The following INTS15 variants were observed in gnomAD, a reference collection of about 807,000 sequenced individuals.
INTS15 encodes uncharacterized protein C7orf26.
chr7:6,606,109 C>A, the INTS15 span, among the ~76,000 whole-genome samples: 1 of 152,226 alleles, frequency 6.6e-6, no homozygotes, highest in Admixed American at 6.5e-5. Flanking sequence ...CAAATCATCA[C>A]ATGACCGAAA....
chr7:6,607,867 G>T, the INTS15 span: 1 of 1,550,902 alleles, frequency 6.4e-7, no homozygotes, highest in South Asian at 1.2e-5. The surrounding 1 kb of genome is among the most constrained non-coding windows in gnomAD (Gnocchi z 6.0). Context: ...TGCCTCTCCT[G>T]GGCGGGGTGC....
chr7:6,606,493 G>A, the INTS15 span, among the ~76,000 whole-genome samples: 2 of 152,152 alleles, frequency 1.3e-5, no homozygotes, highest in Non-Finnish European at 2.9e-5. Context: ...AGTAGAACCC[G>A]GCAGGCTGGC....
chr7:6,608,031 C>G, the INTS15 span: 1 of 1,599,984 alleles, frequency 6.3e-7, no homozygotes, highest in African/African-American at 1.3e-5. Context: ...GGGTTCTACC[C>G]CCACATCCAC....
chr7:6,605,164 T>G, the INTS15 span, among the ~76,000 whole-genome samples: 2 of 152,108 alleles, frequency 1.3e-5, no homozygotes, highest in African/African-American at 4.8e-5. Context: ...AATTTTTGTA[T>G]TTTTAGTAGA....
chr7:6,591,600 C>A, the INTS15 span: 14 of 1,536,826 alleles, frequency 9.1e-6, no homozygotes, highest in Non-Finnish European at 1.2e-5. Context: ...TTAATAAGTA[C>A]GTTACAGCCA....
chr7:6,600,020 A>C, the INTS15 span: 5 of 1,614,046 alleles, frequency 3.1e-6, no homozygotes, highest in East Asian at 1.1e-4. Flanking sequence ...TAAAAGGAAA[A>C]AGAAGCCCCC....
chr7:6,601,660 CTTT>C, the INTS15 span, among the ~76,000 whole-genome samples: 2 of 136,130 alleles, frequency 1.5e-5, no homozygotes, highest in Non-Finnish European at 1.6e-5. Context: ...TTTTTTCTTT[CTTT>C]TTTTTTTTTT....
chr7:6,595,653 T>A, the INTS15 span, among the ~76,000 whole-genome samples: 2 of 152,170 alleles, frequency 1.3e-5, no homozygotes, highest in Non-Finnish European at 2.9e-5. Flanking sequence ...ATGACTTGAT[T>A]TCTTATCATC....
chr7:6,594,987 C>G, the INTS15 span, among the ~76,000 whole-genome samples: 7 of 151,878 alleles, frequency 4.6e-5, no homozygotes, highest in African/African-American at 1.7e-4. Flanking sequence ...CTCGGCCTCC[C>G]AAACTGCTAG....
At chr7:6,600,218 C>G in the INTS15 span, 25 of 1,614,058 alleles carry the variant, frequency 1.5e-5, no homozygotes, top group Non-Finnish European at 2.0e-5. Context: ...CCACATGGTC[C>G]CGCTGGTAGA....
chr7:6,593,492 G>T, the INTS15 span, among the ~76,000 whole-genome samples: 3 of 151,732 alleles, frequency 2.0e-5, no homozygotes, highest in African/African-American at 7.3e-5. Flanking sequence ...CATCAGTGGT[G>T]CCGGCCAATT....
At chr7:6,596,374 C>T in the INTS15 span, among the ~76,000 whole-genome samples, 3 of 134,328 alleles carry the variant, frequency 2.2e-5, no homozygotes, top group Non-Finnish European at 5.0e-5. Context: ...TTATCTGTCA[C>T]CCTTTTTTTT....
chr7:6,608,371 TCTGCCGAGAGCCTG>T, the INTS15 span: 1 of 1,413,822 alleles, frequency 7.1e-7, no homozygotes, highest in Non-Finnish European at 9.2e-7. Context: ...GAGTCCAGCC[TCTGCCGAGAGCCTG>T]CTGCGTGCAT....
the INTS15 span, chr7:6,600,265 C>G: frequency 1.9e-5 from 30 of 1,614,224 alleles, no homozygotes; most frequent in South Asian, 3.1e-4. Context: ...TGAACCCCCT[C>G]AACGCCTCCC....
the INTS15 span, among the ~76,000 whole-genome samples, chr7:6,592,028 G>A: frequency 5.3e-5 from 8 of 151,998 alleles, no homozygotes; most frequent in South Asian, 1.0e-3. Context: ...AAAATTAGCC[G>A]GGCATGGTGT....
At chr7:6,603,998 T>TAAA in the INTS15 span, among the ~76,000 whole-genome samples, 4 of 146,936 alleles carry the variant, frequency 2.7e-5, no homozygotes, top group Non-Finnish European at 6.0e-5. Context: ...CCCTGTCTCT[T>TAAA]AAAAAAAAAA....
chr7:6,600,434 G>C, the INTS15 span: 1 of 1,413,914 alleles, frequency 7.1e-7, no homozygotes, highest in Non-Finnish European at 9.4e-7. Context: ...CTCCTGGACA[G>C]ACACTGTTTT....
chr7:6,600,269 G>A, the INTS15 span: 63 of 1,614,068 alleles, frequency 3.9e-5, no homozygotes, highest in South Asian at 1.4e-4. Flanking sequence ...CCCCCTCAAC[G>A]CCTCCCAGGA....
chr7:6,600,397 C>G, the INTS15 span: 1 of 1,563,152 alleles, frequency 6.4e-7, no homozygotes, highest in Non-Finnish European at 8.6e-7. Context: ...TGCGGGGACA[C>G]CGCCGCCCTG....
Sources: allele counts gnomAD v4.1 joint callset (sites outside exome capture counted in the v4.1 genomes callset), GRCh38; gene constraint gnomAD v4.1.1; non-coding constraint Gnocchi (gnomAD v3.1); transcripts MANE v1.5; gene names NCBI Gene and HGNC (gene_info 2026-07-23, HGNC 2026-07-21).